Variants in LLPH observed in about 807,000 individuals in gnomAD.
LLPH encodes LLP homolog, long-term synaptic facilitation factor, also known as protein LLP homolog.
A neutral mutation model predicts 13.3 loss-of-function variants in LLPH; 5 were observed. That is an observed-to-expected ratio of 0.38 (90% CI 0.20 to 0.79). The LOEUF (loss-of-function observed/expected upper bound fraction) is 0.79, where lower values mean the gene tolerates loss of function less well. Among genes scored for constraint, LLPH ranks in the 30% least tolerant of loss-of-function variants. LLPH has a pLI of 0.45. For missense variants in LLPH, 129 were observed against 152.1 expected (o/e 0.85, Z 0.80); for synonymous variants, 32 against 44.2 (o/e 0.72, Z 1.09).
chr12:66,123,631 A>C lies in LLPH; in HGVS notation c.*209T>G. 6 of 566,844 alleles carry C rather than the reference A, an allele frequency of 1.1e-5. No individual in the cohort carries two copies. The highest frequency in any genetic ancestry group is 1.6e-5 in the Non-Finnish European group (5 of 322,304). The allele number at this position is 566,844 out of a possible 1,614,324, so 35.1% of individuals were successfully genotyped here. A position where few individuals can be genotyped will look rare whatever the true frequency, so the allele number is the denominator to read the frequency against. On this transcript the variant is annotated 3_prime_UTR_variant, in exon 3 of 3. Transcript: ENST00000266604. ...GGTAGCATCCAGTTAAAGTATCAGTAGAGCTTGGATGTATCAAAGAAAATA... is the reference window on the plus strand; with the variant it reads ...GGTAGCATCCAGTTAAAGTATCAGTCGAGCTTGGATGTATCAAAGAAAATA...
In LLPH at chr12:66,119,476, G is replaced by A. The variant is rs2051449369; in HGVS notation, c.*4364C>T. 3.3e-5 allele frequency: 5 copies of A among 152,194 alleles called. No homozygotes were observed. The allele number at this position is 152,194 out of a possible 1,614,324, so 9.4% of individuals were successfully genotyped here. On this transcript the variant is annotated 3_prime_UTR_variant, in exon 3 of 3. Transcript: ENST00000266604. ...ACAGCAGAGTGACCTTTGACCTGAT[G>A]TAAGTATTTAACAGTCCCACCTCAC...
chr12:66,117,636 A>C lies in LLPH; in HGVS notation c.*6204T>G, dbSNP rs1450515088. 1 of 152,220 alleles carries C rather than the reference A, an allele frequency of 6.6e-6. No individual in the cohort carries two copies. Among genetic ancestry groups the C allele is most frequent in the Non-Finnish European group, 1.5e-5 (1 of 68,032 alleles). The allele number at this position is 152,220 out of a possible 1,614,324, so 9.4% of individuals were successfully genotyped here. A position where few individuals can be genotyped will look rare whatever the true frequency, so the allele number is the denominator to read the frequency against. On this transcript the variant is annotated 3_prime_UTR_variant, in exon 3 of 3. Coordinates refer to ENST00000266604, the MANE Select transcript of LLPH (RefSeq NM_032338.4). The stretch of plus-strand genomic sequence containing the variant: ...CTCCTTCTACTTAAAGAAAAAGTTG[A>C]CTGTGAACAGCCTCAGGCAGGTCCT...
intron 2 of LLPH, among the ~76,000 whole-genome samples, chr12:66,125,549 A>C (rs576509836): frequency 6.6e-6 from 1 of 152,168 alleles, no homozygotes; most frequent in African/African-American, 2.4e-5. Flanking sequence ...TTTAGCTCCT[A>C]AAATATCTAA....
chr12:66,129,178 C>T, intron 1 of LLPH, 65 bp from the exon 2 acceptor site: 3 of 1,082,268 alleles, frequency 2.8e-6, no homozygotes, highest in Admixed American at 4.3e-5. Flanking sequence ...ACAGGCAAAT[C>T]CTTAGAAAAC....
rs959749850 is a variant in LLPH, at chr12:66,118,664, G to C, written c.*5176C>G. 1 of 152,108 alleles carries C rather than the reference G, an allele frequency of 6.6e-6. No homozygotes were observed. Among genetic ancestry groups the C allele is most frequent in the South Asian group, 2.1e-4 (1 of 4,826 alleles). The allele number at this position is 152,108 out of a possible 1,614,324, so 9.4% of individuals were successfully genotyped here. On this transcript the variant is annotated 3_prime_UTR_variant, in exon 3 of 3. Transcript: ENST00000266604. ...ATCACATAGCCTAAGTGTAGTAGAC[G>C]ATACCCTCTAGATTTGTGTAAGTAC...
Position 66,123,859 on chromosome 12 carries a change from G to C in LLPH, c.371C>G (p.Ala124Gly). 1 of 1,611,986 alleles carries C rather than the reference G, an allele frequency of 6.2e-7. No individual in the cohort carries two copies. Among genetic ancestry groups the C allele is most frequent in the Non-Finnish European group, 8.5e-7 (1 of 1,179,810 alleles). The part of the protein sequence containing the change: ...GKSKAKAVKV[A>G]KGLAW ...AAGAGTCTACCAGGCCAAACCCTTT[G>C]CCACTTTCACTGCTTTTGCTTTGCT... is the stretch of plus-strand genomic sequence containing the variant. The change falls in exon 3 of 3, where the codon GCA (alanine) becomes GGA (glycine). Residue 124 changes from alanine to glycine, a missense_variant. Physicochemically the swap from Ala to Gly is moderately conservative, Grantham distance 60 (BLOSUM62 0). Transcript: ENST00000266604.
intron 2 of LLPH, among the ~76,000 whole-genome samples, chr12:66,125,187 GAAGATAA>G (rs2051488716): frequency 6.6e-6 from 1 of 152,198 alleles, no homozygotes; most frequent in African/African-American, 2.4e-5. Flanking sequence ...TGGATATGTA[GAAGATAA>G]ATGAGAAGGG....
chr12:66,129,636 C>T (rs1323141246), intron 1 of LLPH, among the ~76,000 whole-genome samples: 2 of 152,156 alleles, frequency 1.3e-5, no homozygotes, highest in Non-Finnish European at 2.9e-5. Flanking sequence ...CCGCCCGCCT[C>T]GGCCTCCCAA....
At position 66,120,942 on chromosome 12, in the gene LLPH, G is replaced by A. The variant is rs549927915; in HGVS notation, c.*2898C>T. ...TGCCTTAGAGGGTACTGACAACACT[G>A]TGTCAGTAAACTTCTCTTCAGCAGT... On this transcript the variant is annotated 3_prime_UTR_variant, in exon 3 of 3. Coordinates refer to ENST00000266604, the MANE Select transcript of LLPH (RefSeq NM_032338.4). The A allele has an allele frequency of 6.6e-6, 1 of 152,304 alleles. No homozygotes were observed. Among genetic ancestry groups the A allele is most frequent in the Admixed American group, 6.5e-5 (1 of 15,300 alleles). The allele number at this position is 152,304 out of a possible 1,614,324, so 9.4% of individuals were successfully genotyped here.
rs555429265 is a variant in LLPH, at chr12:66,123,597, T to C, written c.*243A>G. 6.2e-5 allele frequency: 31 copies of C among 503,568 alleles called. 2 individuals are homozygous for C. The East Asian group carries it at 8.0e-4, about 13-fold the overall frequency. 31.2% of individuals were successfully genotyped at this position (503,568 alleles called of 1,614,324 possible). On this transcript the variant is annotated 3_prime_UTR_variant, in exon 3 of 3. Transcript: ENST00000266604. ...CAGAACGTTGAGGCCTGATTATAAC[T>C]GGATATTGGGTAGCATCCAGTTAAA...
chr12:66,125,279 G>A (rs2051489255), intron 2 of LLPH, among the ~76,000 whole-genome samples: 1 of 152,122 alleles, frequency 6.6e-6, no homozygotes, highest in African/African-American at 2.4e-5. Context: ...CTGAATCAAG[G>A]TGAAAGCAGG....
At position 66,123,549 on chromosome 12, in the gene LLPH, A is replaced by T. The variant is rs1592524201; in HGVS notation, c.*291T>A. 1 of 372,640 alleles carries T rather than the reference A, an allele frequency of 2.7e-6. No individual in the cohort carries two copies. The highest frequency in any genetic ancestry group is 4.8e-6 in the Non-Finnish European group (1 of 208,320). 23.1% of individuals were successfully genotyped at this position (372,640 alleles called of 1,614,324 possible). On this transcript the variant is annotated 3_prime_UTR_variant, in exon 3 of 3. Transcript: ENST00000266604. ...ACTATAATTACCAGTTGTAAGAACA[A>T]TTCTAACCATATTAATACCTGACAG...
rs1003109382 is a variant in LLPH at position 66,120,998 on chromosome 12, A to G, written c.*2842T>C. The G allele has an allele frequency of 1.3e-5, 2 of 152,184 alleles. No homozygotes were observed. The highest frequency in any genetic ancestry group is 4.8e-5 in the African/African-American group (2 of 41,442). 9.4% of individuals were successfully genotyped at this position (152,184 alleles called of 1,614,324 possible). ...TTCCAGAGGCCATGTGACACTTGAG[A>G]ACATGATTCCCAAATATGTTTTCTG... On this transcript the variant is annotated 3_prime_UTR_variant, in exon 3 of 3. Coordinates refer to ENST00000266604, the MANE Select transcript of LLPH (RefSeq NM_032338.4).
At chr12:66,124,559 T>C (rs2051484824) in intron 2 of LLPH, among the ~76,000 whole-genome samples, 1 of 152,190 alleles carries the variant, frequency 6.6e-6, no homozygotes. Context: ...GCTCTACTGA[T>C]AGGAGACTTG....
In LLPH at chr12:66,122,570, T is replaced by G. The variant is rs992650824; in HGVS notation, c.*1270A>C. On this transcript the variant is annotated 3_prime_UTR_variant, in exon 3 of 3. Transcript: ENST00000266604. The stretch of plus-strand genomic sequence containing the variant: ...ATTCAGAGGGAATGCTAAGTTTAGA[T>G]TGCTTAACTAAAAGTAAAATAAAAA... 1 of 152,176 alleles carries G rather than the reference T, an allele frequency of 6.6e-6. No homozygotes were observed. The highest frequency in any genetic ancestry group is 6.5e-5 in the Admixed American group (1 of 15,276). The allele number at this position is 152,176 out of a possible 1,614,324, so 9.4% of individuals were successfully genotyped here.
chr12:66,116,991 ATACTTAAGTC>A lies in LLPH; in HGVS notation c.*6839_*6848del, dbSNP rs2051432095. The A allele has an allele frequency of 6.6e-6, 1 of 152,236 alleles. No homozygotes were observed. The highest frequency in any genetic ancestry group is 6.5e-5 in the Admixed American group (1 of 15,276). The allele number at this position is 152,236 out of a possible 1,614,324, so 9.4% of individuals were successfully genotyped here. ...TTCATATTTTATTTCCACCAAAAAG[ATACTTAAGTC>A]TACAGTTATGTAGTACCAAAAAACT... On this transcript the variant is annotated 3_prime_UTR_variant, in exon 3 of 3. Coordinates refer to ENST00000266604, the MANE Select transcript of LLPH (RefSeq NM_032338.4).
chr12:66,129,898 A>C (rs770537560), intron 1 of LLPH, among the ~76,000 whole-genome samples: 7 of 152,044 alleles, frequency 4.6e-5, no homozygotes, highest in Non-Finnish European at 7.4e-5. Context: ...AATCCTCCAC[A>C]AGGTGCTCAG....
At position 66,119,483 on chromosome 12, in the gene LLPH, T is replaced by C. The variant is rs185177566; in HGVS notation, c.*4357A>G. 3.5e-4 allele frequency: 53 copies of C among 152,342 alleles called. No individual in the cohort carries two copies. The highest frequency in any genetic ancestry group is 1.3e-3 in the African/African-American group (53 of 41,584). The allele number at this position is 152,342 out of a possible 1,614,324, so 9.4% of individuals were successfully genotyped here. ...AGTGACCTTTGACCTGATGTAAGTA[T>C]TTAACAGTCCCACCTCACCCCTAAA... On this transcript the variant is annotated 3_prime_UTR_variant, in exon 3 of 3. Coordinates refer to ENST00000266604, the MANE Select transcript of LLPH (RefSeq NM_032338.4).
chr12:66,124,873 C>T (rs797005572), intron 2 of LLPH, among the ~76,000 whole-genome samples: 21 of 152,172 alleles, frequency 1.4e-4, no homozygotes, highest in African/African-American at 4.1e-4. Context: ...GTTCTGTTGA[C>T]GGGAGAATAA....
Sources: gnomAD v4.1 joint callset for allele counts (sites outside exome capture counted in the v4.1 genomes callset) on GRCh38, gnomAD v4.1.1 for gene constraint, MANE v1.5 for transcripts, NCBI Gene and HGNC (gene_info 2026-07-23, HGNC 2026-07-21) for gene names.